The following AMOTL1 variants were observed in gnomAD, a reference collection of about 807,000 sequenced individuals.
AMOTL1 encodes angiomotin-like protein 1.
A neutral mutation model predicts 102.9 loss-of-function variants in AMOTL1; 45 were observed. That is an observed-to-expected ratio of 0.44 (90% CI 0.34 to 0.56). The LOEUF (loss-of-function observed/expected upper bound fraction) is 0.56, where lower values mean the gene tolerates loss of function less well. Ranked by LOEUF, AMOTL1 falls within the 20% of genes least tolerant of loss-of-function variation. The pLI, the probability that AMOTL1 is intolerant of heterozygous loss-of-function variation, is 0.01. For synonymous variants in AMOTL1, 481 were observed against 484.7 expected (o/e 0.99, Z 0.10); for missense variants, 1,114 against 1,225.6 (o/e 0.91, Z 1.36).
intron 6 of AMOTL1, among the ~76,000 whole-genome samples, chr11:94,838,952 G>T (rs1952239458): frequency 6.6e-6 from 1 of 152,182 alleles, no homozygotes; most frequent in African/African-American, 2.4e-5. Flanking sequence ...AAGTCTTAGG[G>T]GTGCCTCTCC....
At chr11:94,810,793 CAAAA>C (rs36132484) in intron 3 of AMOTL1, among the ~76,000 whole-genome samples, 2 of 132,406 alleles carry the variant, frequency 1.5e-5, no homozygotes, top group East Asian at 2.2e-4. Flanking sequence ...AACTTTTTCT[CAAAA>C]AAAAAAGAAA....
chr11:94,774,415 A>G (rs1950995218), intron 1 of AMOTL1, among the ~76,000 whole-genome samples: 1 of 152,242 alleles, frequency 6.6e-6, no homozygotes, highest in South Asian at 2.1e-4. Flanking sequence ...AGGCTAGTTC[A>G]GAGTTTATGG....
rs7120199 is a variant in AMOTL1 at position 94,869,983 on chromosome 11, C to T, written c.2764+510C>T. ...ACTAACGAGCTGTTTAAAATATTTA[C>T]GGGAAGACAACTTGGGAGAGGTGAT... is the stretch of plus-strand genomic sequence containing the variant. On this transcript the variant is annotated intron_variant, in intron 12 of 12. Transcript: ENST00000433060. Among the ~76,000 whole-genome samples, 234 of 152,292 alleles carry T rather than the reference C, an allele frequency of 1.5e-3. 2 individuals are homozygous for T. The highest frequency in any genetic ancestry group is 5.5e-3 in the African/African-American group (227 of 41,572).
chr11:94,835,994 G>A, intron 6 of AMOTL1, among the ~76,000 whole-genome samples: 1 of 152,188 alleles, frequency 6.6e-6, no homozygotes, highest in East Asian at 1.9e-4. Flanking sequence ...TAGCTGGCTG[G>A]CAATCATCAT....
intron 1 of AMOTL1, among the ~76,000 whole-genome samples, chr11:94,725,094 T>C (rs1442318966): frequency 2.0e-5 from 3 of 152,162 alleles, no homozygotes; most frequent in African/African-American, 7.2e-5. Flanking sequence ...CCAGTGTGAC[T>C]TGGCTGCATT....
chr11:94,852,824 T>G (rs898940050), intron 7 of AMOTL1, among the ~76,000 whole-genome samples: 5 of 152,184 alleles, frequency 3.3e-5, no homozygotes, highest in African/African-American at 9.6e-5. Context: ...TAAGAAAAAT[T>G]TTTTATTTAT....
chr11:94,814,400 C>T (rs751698711), intron 3 of AMOTL1, among the ~76,000 whole-genome samples: 7 of 152,194 alleles, frequency 4.6e-5, no homozygotes, highest in Admixed American at 1.3e-4. Context: ...TACCACATTA[C>T]GATGGACAAT....
At chr11:94,810,859 CA>C (rs1951667738) in intron 3 of AMOTL1, among the ~76,000 whole-genome samples, 1 of 151,680 alleles carries the variant, frequency 6.6e-6, no homozygotes, top group Admixed American at 6.6e-5. Flanking sequence ...CACACACACA[CA>C]CACACACACG....
chr11:94,745,803 G>A (rs191366425), intron 3 of AMOTL1, among the ~76,000 whole-genome samples: 1 of 152,186 alleles, frequency 6.6e-6, no homozygotes, highest in East Asian at 1.9e-4. Flanking sequence ...CAAGATTGAA[G>A]GATAAAATAG....
At chr11:94,833,151 A>G (rs2135667858) in intron 6 of AMOTL1, among the ~76,000 whole-genome samples, 1 of 152,368 alleles carries the variant, frequency 6.6e-6, no homozygotes, top group South Asian at 2.1e-4. Context: ...ACAAGAGACC[A>G]GAGGCATTTT....
chr11:94,708,161 C>A (rs564197020), intron 1 of AMOTL1, among the ~76,000 whole-genome samples: 3 of 152,198 alleles, frequency 2.0e-5, no homozygotes, highest in Non-Finnish European at 4.4e-5. Flanking sequence ...GCTCGTCCCC[C>A]CTGCTACCAG....
At chr11:94,775,883 C>G (rs1168721952) in intron 1 of AMOTL1, among the ~76,000 whole-genome samples, 1 of 152,212 alleles carries the variant, frequency 6.6e-6, no homozygotes, top group African/African-American at 2.4e-5. Context: ...GTTTTGGAGG[C>G]TCATTCCATT....
At chr11:94,741,078 G>A (rs1591918765) in intron 3 of AMOTL1, 1 of 1,089,226 alleles carries the variant, frequency 9.2e-7, no homozygotes, top group South Asian at 1.3e-5. Context: ...ACTCAGCTAG[G>A]GATGGGGCTG....
chr11:94,759,609 C>A (rs1158032798), intron 3 of AMOTL1, among the ~76,000 whole-genome samples: 1 of 145,176 alleles, frequency 6.9e-6, no homozygotes, highest in East Asian at 2.1e-4. Context: ...TCTGCAAAAA[C>A]CAGACTTGAA....
In AMOTL1 at chr11:94,799,854, G is replaced by T; in HGVS notation, c.664G>T (p.Gly222Trp). The part of the protein sequence containing the change: ...GAVGHGYYMA[G>W]GTSQKSRTEG... The stretch of plus-strand genomic sequence containing the variant: ...GGTGGGCCATGGTTACTACATGGCA[G>T]GGGGCACCAGTCAGAAGTCCCGAAC... Residue 222 changes from glycine to tryptophan, a missense_variant, in exon 3 of 13, where the codon GGG (glycine) becomes TGG (tryptophan). Coordinates refer to ENST00000433060, the MANE Select transcript of AMOTL1 (RefSeq NM_130847.3). This position sits in a 1 kb window ranked among gnomAD's most constrained non-coding sequence, Gnocchi z 4.5. 6.3e-7 allele frequency: 1 copy of T among 1,590,830 alleles called. No individual in the cohort carries two copies. The highest frequency in any genetic ancestry group is 8.6e-7 in the Non-Finnish European group (1 of 1,168,210).
intron 1 of AMOTL1, among the ~76,000 whole-genome samples, chr11:94,713,237 A>T (rs1032662014): frequency 6.6e-6 from 1 of 151,420 alleles, no homozygotes; most frequent in African/African-American, 2.4e-5. Context: ...ACAATACCAC[A>T]CTCTTTTGAG....
intron 4 of AMOTL1, among the ~76,000 whole-genome samples, chr11:94,829,431 C>T (rs1952032309): frequency 6.6e-6 from 1 of 152,088 alleles, no homozygotes; most frequent in Non-Finnish European, 1.5e-5. Flanking sequence ...CCATGTTGGC[C>T]AGACTGCTCA....
chr11:94,728,839 T>G, intron 1 of AMOTL1: 1 of 611,478 alleles, frequency 1.6e-6, no homozygotes, highest in Non-Finnish European at 2.4e-6. Context: ...AACTGACCAC[T>G]TTCCTTCAAG....
intron 3 of AMOTL1, among the ~76,000 whole-genome samples, chr11:94,800,974 C>T: frequency 6.6e-6 from 1 of 152,194 alleles, no homozygotes; most frequent in Middle Eastern, 3.2e-3. Context: ...CTCTGAAGCC[C>T]TGTTCCTGGT....
Sources: gnomAD v4.1 joint callset for allele counts (sites outside exome capture counted in the v4.1 genomes callset) on GRCh38, gnomAD v4.1.1 for gene constraint, Gnocchi (gnomAD v3.1) non-coding constraint, MANE v1.5 for transcripts, NCBI Gene and HGNC (gene_info 2026-07-23, HGNC 2026-07-21) for gene names.